The following MEFV variants were observed in gnomAD, a reference collection of about 807,000 sequenced individuals.
MEFV encodes MEFV innate immunity regulator, pyrin, also known as pyrin.
MEFV carries 60 observed loss-of-function variants against 62.5 expected under a neutral mutation model. That is an observed-to-expected ratio of 0.96 (90% CI 0.78 to 1.19). The LOEUF is 1.19. MEFV is among the 50% of genes most tolerant of loss of function. The probability of loss-of-function intolerance (pLI) is 0.00; values close to 1 mark genes in which losing one functional copy is unlikely to be tolerated. For missense variants in MEFV, 1,169 were observed against 1,004.5 expected, an observed-to-expected ratio of 1.16 and a Z score of -2.21; for synonymous variants, 500 against 415.2, an observed-to-expected ratio of 1.20 and a Z score of -2.48.
At position 3,247,259 on chromosome 16, in the gene MEFV, G is replaced by A. The variant is rs1475654121; in HGVS notation, c.1357-13C>T. 4 of 1,612,906 alleles carry A rather than the reference G, an allele frequency of 2.5e-6. No individual in the cohort carries two copies. The highest frequency in any genetic ancestry group is 1.1e-5 in the South Asian group (1 of 91,066). ...CTTCAGTTTGTTTCTGGGGAGCAGAGGACAGGGAGGTATGGGGGTCTGTGC... is the reference window on the plus strand; with the variant it reads ...CTTCAGTTTGTTTCTGGGGAGCAGAAGACAGGGAGGTATGGGGGTCTGTGC... On this transcript the variant is annotated splice_polypyrimidine_tract_variant and intron_variant, in intron 4 of 9. Coordinates refer to ENST00000219596, the MANE Select transcript of MEFV (RefSeq NM_000243.3).
In MEFV at chr16:3,248,956, C is replaced by T. The variant is rs1202888942; in HGVS notation, c.1309G>A (p.Gly437Arg). The T allele has an allele frequency of 6.2e-6, 10 of 1,614,110 alleles. No homozygotes were observed. The Admixed American group carries it at 1.3e-4, about 22-fold the overall frequency. The change falls in exon 4 of 10, where the codon GGG becomes AGG. Residue 437 changes from glycine (G) to arginine (R), a missense_variant. Transcript: ENST00000219596. Reference protein sequence around the residue: ...LEHLKKLRKSGEEQRSYGEEK... With the variant: ...LEHLKKLRKSREEQRSYGEEK... ...TCCCCATAGGATCGCTGCTCCTCCC[C>T]TGATTTTCTCAGCTTCTTCAGATGC...
rs141706767 is a variant in MEFV at position 3,243,879 on chromosome 16, A to C, written c.1773T>G (p.Ile591Met). The change falls in exon 9 of 10, where the codon ATT becomes ATG. Residue 591 changes from isoleucine (I) to methionine (M), a missense_variant. Transcript: ENST00000219596. ...EMEMFNVPELIGAQAHAVNVI... is the reference protein window; with the variant it reads ...EMEMFNVPELMGAQAHAVNVI... ...ACTTACCAGCATGTGCCTGAGCGCC[A>C]ATCAGCTCCGGAACTACGGAGAAAA... 1.6e-5 allele frequency: 26 copies of C among 1,613,968 alleles called. 1 individual carries two copies. In the East Asian group the frequency reaches 5.8e-4, roughly 36 times the overall value.
intron 2 of MEFV, among the ~76,000 whole-genome samples, chr16:3,251,739 C>T (rs924417137): frequency 6.6e-6 from 1 of 152,112 alleles, no homozygotes; most frequent in African/African-American, 2.4e-5. Flanking sequence ...CCAGTCTTCC[C>T]CAGATTTTCT....
chr16:3,252,159 G>C (rs1959044770), intron 2 of MEFV: 2 of 187,796 alleles, frequency 1.1e-5, no homozygotes, highest in Non-Finnish European at 2.3e-5. Flanking sequence ...AGGTTTTCCA[G>C]ATCCCAGGGT....
chr16:3,248,804 C>G, intron 4 of MEFV, 105 bp downstream of exon 4: 2 of 1,600,374 alleles, frequency 1.2e-6, no homozygotes, highest in Non-Finnish European at 1.7e-6. Flanking sequence ...AGGAGGTGGC[C>G]ATCCCTGCTG....
intron 6 of MEFV, among the ~76,000 whole-genome samples, chr16:3,245,315 G>A (rs1476434372): frequency 7.2e-6 from 1 of 139,848 alleles, no homozygotes; most frequent in Non-Finnish European, 1.6e-5. Context: ...AAGGAAGGAA[G>A]AAAGGAAGGA....
chr16:3,248,767 G>A (rs1044845309), intron 4 of MEFV, 142 bp downstream of exon 4: 8 of 1,564,956 alleles, frequency 5.1e-6, no homozygotes, highest in Non-Finnish European at 6.9e-6. Context: ...CTTACCCTTG[G>A]CTGCTGGTTA....
rs751814691 is a variant in MEFV at position 3,243,533 on chromosome 16, G to A, written c.1954C>T (p.Arg652Cys). Reference protein sequence around the residue: ...VLGSPSFLSGRRYWEVEVGDK... With the variant: ...VLGSPSFLSGCRYWEVEVGDK... ...CCAACCTCCACCTCCCAGTAACGGC[G>A]GCCAGAGAGGAAACTCGGAGAGCCC... is the stretch of plus-strand genomic sequence containing the variant. The change falls in exon 10 of 10, where the codon CGC becomes TGC. Residue 652 changes from arginine (R) to cysteine (C), a missense_variant. By Grantham distance (180) the Arg-to-Cys change is radical. Transcript: ENST00000219596. 14 of 1,613,508 alleles carry A rather than the reference G, an allele frequency of 8.7e-6. No individual in the cohort carries two copies. The highest frequency in any genetic ancestry group is 4.5e-5 in the East Asian group (2 of 44,890).
chr16:3,251,584 A>G (rs576633365), intron 2 of MEFV, among the ~76,000 whole-genome samples: 4 of 152,244 alleles, frequency 2.6e-5, no homozygotes, highest in Non-Finnish European at 5.9e-5. Context: ...ACAACCAAAC[A>G]TAATTTTAAT....
chr16:3,245,304 G>GAAGGAAGGAAGA (rs1958924243), intron 6 of MEFV, among the ~76,000 whole-genome samples: 1 of 142,218 alleles, frequency 7.0e-6, no homozygotes, highest in Non-Finnish European at 1.5e-5. Context: ...GAAAAGAAAG[G>GAAGGAAGGAAGA]AAGGAAGGAA....
At chr16:3,246,327 G>C (rs930176748) in intron 6 of MEFV, 198 bp downstream of exon 6, 12 of 626,152 alleles carry the variant, frequency 1.9e-5, no homozygotes, top group Non-Finnish European at 3.1e-5. Flanking sequence ...CTCCATACCC[G>C]GCCAGCCTCC....
chr16:3,249,395 C>T (rs1267124128), intron 3 of MEFV, 36 bp downstream of exon 3: 3 of 1,585,716 alleles, frequency 1.9e-6, no homozygotes, highest in Non-Finnish European at 2.6e-6. Flanking sequence ...GTCCAAGTGC[C>T]TGGCAGAGAA....
intron 6 of MEFV, 91 bp downstream of exon 6, chr16:3,246,434 G>T: frequency 6.7e-7 from 1 of 1,483,072 alleles, no homozygotes. Flanking sequence ...CCGGGGTTGG[G>T]AACATCTCCC....
chr16:3,242,846 T>G lies in MEFV; in HGVS notation c.*295A>C. The G allele has an allele frequency of 2.2e-6, 1 of 456,300 alleles. No homozygotes were observed. Among genetic ancestry groups the G allele is most frequent in the South Asian group, 2.1e-5 (1 of 47,910 alleles). The allele number at this position is 456,300 out of a possible 1,614,324, so 28.3% of individuals were successfully genotyped here. A position where few individuals can be genotyped will look rare whatever the true frequency, so the allele number is the denominator to read the frequency against. ...CTGAGGGAAAATGAGGGCCAAATCTTCTGTTCAGGAGCACCTGAGAGTGCC... is the reference window on the plus strand; with the variant it reads ...CTGAGGGAAAATGAGGGCCAAATCTGCTGTTCAGGAGCACCTGAGAGTGCC... On this transcript the variant is annotated 3_prime_UTR_variant, in exon 10 of 10. Coordinates refer to ENST00000219596, the MANE Select transcript of MEFV (RefSeq NM_000243.3).
chr16:3,246,635 T>C, intron 5 of MEFV, 88 bp from the exon 6 acceptor site: 13 of 1,444,358 alleles, frequency 9.0e-6, no homozygotes, highest in Non-Finnish European at 1.2e-5. Flanking sequence ...TCCTGGACTT[T>C]TAGCTCCCCG....
chr16:3,244,376 G>C (rs559888085), intron 7 of MEFV, 90 bp from the exon 8 acceptor site: 14 of 1,605,300 alleles, frequency 8.7e-6, no homozygotes, highest in South Asian at 2.2e-5. Context: ...AGGTCAGCAA[G>C]ACCAGGGGAA....
At chr16:3,244,674 C>T in intron 6 of MEFV, 86 bp from the exon 7 acceptor site, 1 of 983,246 alleles carries the variant, frequency 1.0e-6, no homozygotes, top group Non-Finnish European at 1.6e-6. Context: ...CTACATTCTC[C>T]ACAGGGCACA....
At chr16:3,250,247 G>A (rs1416555250) in intron 2 of MEFV, among the ~76,000 whole-genome samples, 4 of 152,158 alleles carry the variant, frequency 2.6e-5, no homozygotes, top group African/African-American at 7.2e-5. Context: ...GCAAGCATTT[G>A]GAAAATGAGT....
chr16:3,242,249 A>T lies in MEFV; in HGVS notation c.*892T>A, dbSNP rs950552138. The T allele has an allele frequency of 1.4e-5, 3 of 210,378 alleles. No individual in the cohort carries two copies. Among genetic ancestry groups the T allele is most frequent in the African/African-American group, 4.8e-5 (2 of 41,472 alleles). 13.0% of individuals were successfully genotyped at this position (210,378 alleles called of 1,614,324 possible). A position where few individuals can be genotyped will look rare whatever the true frequency, so the allele number is the denominator to read the frequency against. ...CATGGTGGCGGGCGCCTGTAATCCCAGCTACTTCGGAGGCTGAGGCAGGAG... is the reference window on the plus strand; with the variant it reads ...CATGGTGGCGGGCGCCTGTAATCCCTGCTACTTCGGAGGCTGAGGCAGGAG... On this transcript the variant is annotated 3_prime_UTR_variant, in exon 10 of 10. Coordinates refer to ENST00000219596, the MANE Select transcript of MEFV (RefSeq NM_000243.3).
Sources: gnomAD v4.1 joint callset for allele counts (sites outside exome capture counted in the v4.1 genomes callset) on GRCh38, gnomAD v4.1.1 for gene constraint, MANE v1.5 for transcripts, NCBI Gene and HGNC (gene_info 2026-07-23, HGNC 2026-07-21) for gene names.